AQR: variants seen among roughly 807,000 people sequenced by gnomAD.
AQR encodes the protein aquarius intron-binding spliceosomal factor.
In AQR, 61 loss-of-function variants were observed where a neutral mutation model predicts 180.5. The observed-to-expected ratio is 0.34, with a 90% CI of 0.28 to 0.42. The LOEUF is 0.42. Ranked by LOEUF, AQR falls within the 10% of genes least tolerant of loss-of-function variation. AQR has a pLI of 1.00. For missense variants in AQR, 1,281 were observed against 1,798.3 expected, an observed-to-expected ratio of 0.71 and a Z score of 5.20; for synonymous variants, 551 against 588.8, an observed-to-expected ratio of 0.94 and a Z score of 0.93.
intron 22 of AQR, among the ~76,000 whole-genome samples, chr15:34,895,385 C>T (rs1893228803): frequency 6.6e-6 from 1 of 150,546 alleles, no homozygotes. Context: ...TGTGAATAGT[C>T]TAAACACGCA....
At chr15:34,939,910 A>G (rs1893998007) in intron 8 of AQR, among the ~76,000 whole-genome samples, 1 of 152,222 alleles carries the variant, frequency 6.6e-6, no homozygotes, top group African/African-American at 2.4e-5. Flanking sequence ...TAACTTGCCC[A>G]AAGTCATACA....
chr15:34,888,377 C>T (rs1485705772), intron 24 of AQR, among the ~76,000 whole-genome samples: 1 of 151,836 alleles, frequency 6.6e-6, no homozygotes, highest in African/African-American at 2.4e-5. Context: ...TACATTATTA[C>T]ACTTAAAAGA....
chr15:34,863,133 T>C (rs547436655), intron 32 of AQR, 92 bp from the exon 33 acceptor site: 1 of 1,175,256 alleles, frequency 8.5e-7, no homozygotes, highest in South Asian at 1.8e-5. Flanking sequence ...TAGATAGTCC[T>C]GTTAAGCCCT....
chr15:34,875,001 G>C (rs937974781), intron 28 of AQR, 137 bp from the exon 29 acceptor site: 2 of 769,726 alleles, frequency 2.6e-6, no homozygotes, highest in South Asian at 1.9e-5. Flanking sequence ...CCACAAACAG[G>C]AGTCTAGCAA....
intron 27 of AQR, among the ~76,000 whole-genome samples, chr15:34,878,385 CAAAAAAAAAAAAAA>C (rs5811839): frequency 7.2e-5 from 3 of 41,660 alleles, no homozygotes; most frequent in Non-Finnish European, 1.3e-4. Context: ...GACTCTGTCT[CAAAAAAAAAAAAAA>C]AAAAAAAAAA....
chr15:34,905,346 T>C (rs1164114369), intron 18 of AQR, among the ~76,000 whole-genome samples: 1 of 151,936 alleles, frequency 6.6e-6, no homozygotes, highest in East Asian at 1.9e-4. Flanking sequence ...GCAGTTGTAA[T>C]TTAATAATAA....
chr15:34,966,587 CTG>C (rs1380458386), intron 1 of AQR, among the ~76,000 whole-genome samples: 4 of 152,320 alleles, frequency 2.6e-5, no homozygotes, highest in East Asian at 3.9e-4. Flanking sequence ...CTTCCACAGA[CTG>C]TGTGTTAGAT....
rs200592355 is a variant in AQR, at chr15:34,884,591, A to G, written c.2961T>C (p.Tyr987=). Reference sequence around the variant, plus strand: ...CTTCAGCAATTTCCATGTCTTCTTCATAAGATCTTCCTTTAAAAATGGGTT... The same window carrying G: ...CTTCAGCAATTTCCATGTCTTCTTCGTAAGATCTTCCTTTAAAAATGGGTT... ...APQPIFKGRS[Y]EEDMEIAEGC... Residue 987 remains tyrosine (Y), a synonymous_variant, in exon 26 of 35, where the codon TAT becomes TAC. Transcript: ENST00000156471. 32 of 1,602,048 alleles carry G rather than the reference A, an allele frequency of 2.0e-5. No individual in the cohort carries two copies. Among genetic ancestry groups the G allele is most frequent in the Non-Finnish European group, 2.7e-5 (32 of 1,177,240 alleles).
chr15:34,869,306 T>C (rs1595781289), intron 31 of AQR: 1 of 151,558 alleles, frequency 6.6e-6, no homozygotes, highest in East Asian at 1.9e-4. Context: ...CCTGTAGGTC[T>C]TCCTTATGTG....
intron 4 of AQR, among the ~76,000 whole-genome samples, chr15:34,948,649 A>G (rs1894165863): frequency 6.6e-6 from 1 of 151,792 alleles, no homozygotes. Context: ...AAAATACAAA[A>G]ATTAGCTGGG....
intron 34 of AQR, among the ~76,000 whole-genome samples, chr15:34,858,995 CCT>C (rs1892631375): frequency 6.6e-6 from 1 of 152,146 alleles, no homozygotes; most frequent in South Asian, 2.1e-4. Context: ...AACCTTTATA[CCT>C]CTGAGTTAGG....
At chr15:34,936,509 AG>A (rs1893947216) in intron 9 of AQR, among the ~76,000 whole-genome samples, 1 of 152,148 alleles carries the variant, frequency 6.6e-6, no homozygotes, top group Non-Finnish European at 1.5e-5. Context: ...TGAGGTCAGG[AG>A]TTCAAGACCA....
intron 14 of AQR, among the ~76,000 whole-genome samples, chr15:34,919,324 C>A (rs1893647312): frequency 6.6e-6 from 1 of 151,596 alleles, no homozygotes; most frequent in Non-Finnish European, 1.5e-5. Context: ...GTATCACATT[C>A]TCTTCAGTGA....
At chr15:34,917,339 T>A (rs1893610374) in intron 15 of AQR, among the ~76,000 whole-genome samples, 1 of 152,214 alleles carries the variant, frequency 6.6e-6, no homozygotes, top group African/African-American at 2.4e-5. Flanking sequence ...ATGCCATTGT[T>A]CAAAAAAGTC....
intron 8 of AQR, among the ~76,000 whole-genome samples, chr15:34,939,558 T>A (rs948588729): frequency 6.6e-6 from 1 of 152,192 alleles, no homozygotes; most frequent in Non-Finnish European, 1.5e-5. Flanking sequence ...AAAGATCAAA[T>A]GTTTAAAAAA....
rs1894148197 is a variant in AQR, at chr15:34,947,519, T to TA, written c.330+744dup. Among the ~76,000 whole-genome samples, 7 of 137,660 alleles carry TA rather than the reference T, an allele frequency of 5.1e-5. 1 individual carries two copies. The highest frequency in any genetic ancestry group is 4.6e-4 in the South Asian group (2 of 4,378). 90.3% of individuals were successfully genotyped at this position (137,660 alleles called of 152,430 possible). A position where few individuals can be genotyped will look rare whatever the true frequency, so the allele number is the denominator to read the frequency against. ...CAAGAATGATCAATAAAAAAAATAA[T>TA]AATAATAATAATAATAATAAAATAA... is the stretch of plus-strand genomic sequence containing the variant. On this transcript the variant is annotated intron_variant, in intron 5 of 34. Transcript: ENST00000156471.
At chr15:34,888,334 A>G (rs1318040643) in intron 24 of AQR, among the ~76,000 whole-genome samples, 1 of 152,054 alleles carries the variant, frequency 6.6e-6, no homozygotes, top group African/African-American at 2.4e-5. Flanking sequence ...AGCAATATAC[A>G]GTACAATTAA....
At chr15:34,877,459 G>A (rs1892903539) in intron 27 of AQR, among the ~76,000 whole-genome samples, 1 of 152,144 alleles carries the variant, frequency 6.6e-6, no homozygotes, top group Non-Finnish European at 1.5e-5. Flanking sequence ...ACTACTTGAA[G>A]GTGTAGGCAT....
intron 27 of AQR, among the ~76,000 whole-genome samples, chr15:34,877,123 C>T (rs866865531): frequency 1.3e-5 from 2 of 152,204 alleles, no homozygotes; most frequent in Middle Eastern, 3.2e-3. Context: ...TCAAGTCTTT[C>T]TAAAACATGA....
Sources: gnomAD v4.1 joint callset for allele counts (sites outside exome capture counted in the v4.1 genomes callset) on GRCh38, gnomAD v4.1.1 for gene constraint, MANE v1.5 for transcripts, NCBI Gene and HGNC (gene_info 2026-07-23, HGNC 2026-07-21) for gene names.